PCDH15: variants seen among roughly 807,000 people sequenced by gnomAD.
PCDH15 encodes protocadherin related 15, also known as protocadherin-15.
A neutral mutation model predicts 178.5 loss-of-function variants in PCDH15; 129 were observed. The observed-to-expected ratio is 0.72, with a 90% CI of 0.63 to 0.84. The LOEUF (loss-of-function observed/expected upper bound fraction) is 0.84, where lower values mean the gene tolerates loss of function less well. PCDH15 is among the 40% of genes least tolerant of loss of function. The pLI, the probability that PCDH15 is intolerant of heterozygous loss-of-function variation, is 0.00. For synonymous variants in PCDH15, 800 were observed against 732.0 expected (o/e 1.09, Z -1.50); for missense variants, 2,230 against 2,099.9 (o/e 1.06, Z -1.21).
intron 2 of PCDH15, among the ~76,000 whole-genome samples, chr10:54,659,132 A>T (rs77624670): frequency 0.02 from 3,053 of 152,300 alleles, 64 homozygotes; most frequent in East Asian, 0.056. Context: ...TAGACCTAAG[A>T]AAAGAAACAA....
At chr10:54,706,723 A>C (rs1187115028) in intron 1 of PCDH15, among the ~76,000 whole-genome samples, 3 of 152,150 alleles carry the variant, frequency 2.0e-5, no homozygotes, top group African/African-American at 4.8e-5. Flanking sequence ...TCCCAGGTTC[A>C]AACGATCCTC....
chr10:53,920,663 C>T (rs560040993), intron 25 of PCDH15, among the ~76,000 whole-genome samples: 1 of 152,226 alleles, frequency 6.6e-6, no homozygotes, highest in South Asian at 2.1e-4. Context: ...CCTTTCTATG[C>T]CTTTTCTAAA....
intron 6 of PCDH15, among the ~76,000 whole-genome samples, chr10:54,338,618 G>C (rs1179043560): frequency 6.6e-6 from 1 of 152,058 alleles, no homozygotes; most frequent in Non-Finnish European, 1.5e-5. Flanking sequence ...TTACTCAGGA[G>C]GACTTGATAA....
rs568602773 is a variant in PCDH15, at chr10:55,146,875, T to A, written c.-80+19701A>T. Among the ~76,000 whole-genome samples, 9 of 151,626 alleles carry A rather than the reference T, an allele frequency of 5.9e-5. No homozygotes were observed. The South Asian group carries it at 1.4e-3, about 24-fold the overall frequency. Reference sequence around the variant, plus strand: ...TTTTACTGACTTATGATTACAAAATTATATGAGCTGAATGTTAAAAGGAAT... The same window carrying A: ...TTTTACTGACTTATGATTACAAAATAATATGAGCTGAATGTTAAAAGGAAT... On this transcript the variant is annotated intron_variant, in intron 2 of 5. Coordinates refer to the PCDH15 transcript ENST00000458638.
intron 1 of PCDH15, among the ~76,000 whole-genome samples, chr10:54,673,527 C>T (rs1210967613): frequency 6.6e-6 from 1 of 152,052 alleles, no homozygotes; most frequent in African/African-American, 2.4e-5. Context: ...CGACCTCCTC[C>T]TCCTGGGTTC....
chr10:54,881,995 C>T (rs1395721892), intron 3 of PCDH15, among the ~76,000 whole-genome samples: 1 of 152,040 alleles, frequency 6.6e-6, no homozygotes, highest in Non-Finnish European at 1.5e-5. Flanking sequence ...AATTTCTTTT[C>T]TGTTTTGTTC....
chr10:54,808,666 G>A (rs1326171428), intron 3 of PCDH15, among the ~76,000 whole-genome samples: 1 of 152,140 alleles, frequency 6.6e-6, no homozygotes, highest in Non-Finnish European at 1.5e-5. Context: ...TCAAATCCAT[G>A]TTCTGCTGGA....
chr10:54,168,944 C>T (rs1326397804), intron 13 of PCDH15, among the ~76,000 whole-genome samples: 5 of 152,066 alleles, frequency 3.3e-5, no homozygotes, highest in Admixed American at 6.5e-5. Context: ...ACCCCAGCCA[C>T]ATCTCCAGCA....
chr10:54,367,783 G>C (rs1565097336), intron 5 of PCDH15, among the ~76,000 whole-genome samples: 1 of 151,458 alleles, frequency 6.6e-6, no homozygotes, highest in East Asian at 1.9e-4. Flanking sequence ...TTCTGCACAT[G>C]TATCCCAGAA....
chr10:55,521,461 T>G (rs1294288743), intron 2 of PCDH15, among the ~76,000 whole-genome samples: 1 of 151,968 alleles, frequency 6.6e-6, no homozygotes, highest in Non-Finnish European at 1.5e-5. Flanking sequence ...AAAGCAATAT[T>G]CAGTAGAAAC....
At chr10:53,819,691 A>AAAG (rs2076187661) in intron 33 of PCDH15, among the ~76,000 whole-genome samples, 1 of 151,956 alleles carries the variant, frequency 6.6e-6, no homozygotes, top group African/African-American at 2.4e-5. Context: ...TATTGAGAAA[A>AAAG]AAGTGTTACT....
At chr10:54,762,365 A>T (rs578233629) in intron 1 of PCDH15, among the ~76,000 whole-genome samples, 1 of 152,248 alleles carries the variant, frequency 6.6e-6, no homozygotes, top group East Asian at 1.9e-4. Context: ...GTTTAGGAAA[A>T]CACAGTCTTT....
At chr10:54,198,306 T>C (rs541400596) in intron 10 of PCDH15, among the ~76,000 whole-genome samples, 22 of 152,078 alleles carry the variant, frequency 1.4e-4, no homozygotes, top group African/African-American at 5.1e-4. Flanking sequence ...CTGGAAAACA[T>C]TGTTTTTTCA....
At chr10:54,199,519 A>G (rs1234634183) in intron 10 of PCDH15, among the ~76,000 whole-genome samples, 1 of 151,010 alleles carries the variant, frequency 6.6e-6, no homozygotes, top group Non-Finnish European at 1.5e-5. Context: ...ATTGAGATAA[A>G]TACTTCTGTT....
chr10:54,055,509 T>C (rs2093866945), intron 18 of PCDH15, among the ~76,000 whole-genome samples: 1 of 152,212 alleles, frequency 6.6e-6, no homozygotes, highest in Admixed American at 6.5e-5. Flanking sequence ...AATGCATTTG[T>C]GCAAGCATTT....
chr10:54,941,383 A>C (rs1381232270), intron 2 of PCDH15, among the ~76,000 whole-genome samples: 1 of 152,076 alleles, frequency 6.6e-6, no homozygotes, highest in Middle Eastern at 3.2e-3. Flanking sequence ...TCCCTAGAGA[A>C]CATTTCGTTT....
At chr10:55,528,841 C>A (rs975112846) in intron 2 of PCDH15, among the ~76,000 whole-genome samples, 1 of 152,072 alleles carries the variant, frequency 6.6e-6, no homozygotes, top group Non-Finnish European at 1.5e-5. Context: ...ACAGTCCCAC[C>A]AACAGTGTAA....
intron 1 of PCDH15, among the ~76,000 whole-genome samples, chr10:55,168,161 A>G (rs1839242902): frequency 6.6e-6 from 1 of 152,162 alleles, no homozygotes; most frequent in Non-Finnish European, 1.5e-5. Flanking sequence ...AAAACATAGC[A>G]GCAAATCCTT....
intron 8 of PCDH15, among the ~76,000 whole-genome samples, chr10:54,300,148 A>G (rs147784870): frequency 4.0e-4 from 61 of 152,230 alleles, no homozygotes; most frequent in African/African-American, 1.4e-3. Context: ...GCACCTTCTT[A>G]GGGGAAGAGT....
Sources: allele counts gnomAD v4.1 joint callset (sites outside exome capture counted in the v4.1 genomes callset), GRCh38; gene constraint gnomAD v4.1.1; transcripts MANE v1.5; gene names NCBI Gene and HGNC (gene_info 2026-07-23, HGNC 2026-07-21).